The following STS variants were observed in gnomAD, a reference collection of about 807,000 sequenced individuals.
The protein encoded by STS is steroid sulfatase, also known as steryl-sulfatase.
Under a neutral mutation model 26.8 loss-of-function variants are expected in STS, and 7 were observed. The observed-to-expected ratio is 0.26, with a 90% confidence interval of 0.15 to 0.49. The LOEUF (loss-of-function observed/expected upper bound fraction) is 0.49, where lower values mean the gene tolerates loss of function less well. Ranked by LOEUF, STS falls within the 20% of genes least tolerant of loss-of-function variation. STS has a pLI of 0.98. For missense variants in STS, 434 were observed against 465.6 expected, an observed-to-expected ratio of 0.93 and a Z score of 0.63; for synonymous variants, 199 against 189.4, an observed-to-expected ratio of 1.05 and a Z score of -0.42.
chrX:7,328,177 G>A, intron 9 of STS, among the ~76,000 whole-genome samples: 1 of 111,785 alleles, frequency 8.9e-6, no homozygotes, highest in Admixed American at 9.5e-5. Flanking sequence ...AGAGTGTTCA[G>A]CCAATCTCAT....
At chrX:7,332,929 A>C (rs763738480) in intron 9 of STS, among the ~76,000 whole-genome samples, 1 of 112,002 alleles carries the variant, frequency 8.9e-6, no homozygotes, top group Admixed American at 9.5e-5. Context: ...TGCAGAGTGC[A>C]TGATTAATAA....
At chrX:7,302,232 G>A (rs1925997805) in intron 7 of STS, among the ~76,000 whole-genome samples, 1 of 111,716 alleles carries the variant, frequency 9.0e-6, no homozygotes, top group Non-Finnish European at 1.9e-5. Flanking sequence ...TGCCTAATCT[G>A]TGTTATTTTA....
At chrX:7,176,798 G>T (rs1246618526) in intron 1 of STS, among the ~76,000 whole-genome samples, 2 of 111,171 alleles carry the variant, frequency 1.8e-5, no homozygotes, top group African/African-American at 6.5e-5. Flanking sequence ...CTCCCACCAG[G>T]TTACTCCCAC....
rs184220444 is a variant in STS, at chrX:7,152,957, G to T, written c.-134+4874G>T. On this transcript the variant is annotated intron_variant, in intron 1 of 10. Coordinates refer to ENST00000674429, the MANE Select transcript of STS (RefSeq NM_001320752.2). ...ATGTTTCGTAATATCCGTAATGTTA[G>T]TGCCTAAGTAGACACACACTATTCT... 3.6e-5 allele frequency among the ~76,000 whole-genome samples: 4 copies of T among 112,113 alleles called. No individual in the cohort carries two copies. The East Asian group carries it at 8.4e-4, about 24-fold the overall frequency.
At chrX:7,224,367 C>T (rs997420774) in intron 2 of STS, among the ~76,000 whole-genome samples, 6 of 111,221 alleles carry the variant, frequency 5.4e-5, no homozygotes, top group African/African-American at 1.6e-4. Flanking sequence ...ATTTAACCTC[C>T]CTGGACTTCA....
At chrX:7,318,026 A>G (rs148433050) in intron 8 of STS, among the ~76,000 whole-genome samples, 10 of 111,916 alleles carry the variant, frequency 8.9e-5, no homozygotes, top group African/African-American at 2.9e-4. Flanking sequence ...AATACCATCA[A>G]TTACTGGCTG....
At chrX:7,341,585 G>A (rs891695344) in intron 10 of STS, among the ~76,000 whole-genome samples, 1 of 111,946 alleles carries the variant, frequency 8.9e-6, no homozygotes, top group Non-Finnish European at 1.9e-5. Context: ...TGATCAGACA[G>A]TAATCTCCAG....
At chrX:7,206,579 G>T (rs1477317085) in intron 2 of STS, among the ~76,000 whole-genome samples, 2 of 111,956 alleles carry the variant, frequency 1.8e-5, no homozygotes, top group Non-Finnish European at 3.8e-5. Flanking sequence ...TATTTCAAAT[G>T]ATTCATCCTA....
At chrX:7,239,864 A>AGTG (rs1922505415) in intron 2 of STS, among the ~76,000 whole-genome samples, 1 of 98,020 alleles carries the variant, frequency 1.0e-5, no homozygotes, top group Non-Finnish European at 2.0e-5. Flanking sequence ...ATTTATATAC[A>AGTG]GTGGGATTCT....
chrX:7,154,575 G>A (rs1283606662), intron 1 of STS, among the ~76,000 whole-genome samples: 1 of 112,423 alleles, frequency 8.9e-6, no homozygotes, highest in Non-Finnish European at 1.9e-5. Flanking sequence ...GGAGCTTGAG[G>A]AAAGTCAGGT....
At chrX:7,157,300 C>T (rs1463871256) in intron 1 of STS, among the ~76,000 whole-genome samples, 1 of 111,717 alleles carries the variant, frequency 9.0e-6, no homozygotes, top group African/African-American at 3.3e-5. Context: ...TTCCCTTGCT[C>T]ATCTCTGATT....
intron 8 of STS, among the ~76,000 whole-genome samples, chrX:7,315,587 C>T (rs1394000469): frequency 1.8e-5 from 2 of 111,564 alleles, no homozygotes; most frequent in Non-Finnish European, 3.8e-5. Context: ...TCCAAAACCT[C>T]AAAAGTAGGG....
intron 7 of STS, among the ~76,000 whole-genome samples, chrX:7,287,667 T>G: frequency 1.0e-5 from 1 of 96,001 alleles, no homozygotes; most frequent in South Asian, 4.3e-4. Flanking sequence ...TTAAAATTTT[T>G]TTATTTTTTA....
chrX:7,158,448 G>A (rs1036228922), intron 1 of STS, among the ~76,000 whole-genome samples: 1 of 112,173 alleles, frequency 8.9e-6, no homozygotes, highest in Non-Finnish European at 1.9e-5. Flanking sequence ...AGTTGCAAAT[G>A]GGGGTGATCC....
intron 2 of STS, among the ~76,000 whole-genome samples, chrX:7,238,709 G>A (rs904769582): frequency 3.9e-5 from 4 of 102,855 alleles, no homozygotes; most frequent in East Asian, 6.4e-4. Flanking sequence ...GTGCATGCCC[G>A]TAGTCCTAGC....
chrX:7,323,219 C>A (rs1257473881), intron 8 of STS, among the ~76,000 whole-genome samples: 3 of 110,530 alleles, frequency 2.7e-5, no homozygotes, highest in Non-Finnish European at 5.7e-5. Flanking sequence ...TGGCTCAAAA[C>A]AACATGTTTT....
intron 10 of STS, among the ~76,000 whole-genome samples, chrX:7,344,846 A>G (rs1928454921): frequency 9.0e-6 from 1 of 111,269 alleles, no homozygotes; most frequent in Admixed American, 9.6e-5. Flanking sequence ...CTTGTGCCGA[A>G]CAGGCTTTCC....
At chrX:7,207,190 TA>T (rs764336961) in intron 2 of STS, among the ~76,000 whole-genome samples, 10 of 107,762 alleles carry the variant, frequency 9.3e-5, no homozygotes, top group East Asian at 2.9e-4. Flanking sequence ...ACCCTGTCTT[TA>T]AAAAAAAAAA....
At chrX:7,216,481 G>T (rs1210993736) in intron 2 of STS, among the ~76,000 whole-genome samples, 1 of 112,427 alleles carries the variant, frequency 8.9e-6, no homozygotes, top group Non-Finnish European at 1.9e-5. Context: ...AGGTCTGCAA[G>T]CCTCTCAAAG....
Sources: gnomAD v4.1 joint callset for allele counts (sites outside exome capture counted in the v4.1 genomes callset) on GRCh38, gnomAD v4.1.1 for gene constraint, MANE v1.5 for transcripts, NCBI Gene and HGNC (gene_info 2026-07-23, HGNC 2026-07-21) for gene names.